Variants in SLC23A3 observed in about 807,000 individuals in gnomAD.
The protein encoded by SLC23A3 is E2-binding protein 3.
SLC23A3 carries 41 observed loss-of-function variants against 64.7 expected under a neutral mutation model. That is an observed-to-expected ratio of 0.63 (90% CI 0.49 to 0.82). The LOEUF (loss-of-function observed/expected upper bound fraction) is 0.82. Among genes scored for constraint, SLC23A3 ranks in the 40% least tolerant of loss-of-function variants. The pLI is 0.00. For missense variants in SLC23A3, 647 were observed against 733.4 expected, an observed-to-expected ratio of 0.88 and a Z score of 1.36; for synonymous variants, 281 against 306.8, an observed-to-expected ratio of 0.92 and a Z score of 0.88.
chr2:219,161,790 A>G lies in SLC23A3; in HGVS notation c.*119T>C. Reference sequence around the variant, plus strand: ...CTATTGGGAAATGGAACCTCTAGACAGTCCCATGTAATACACACACACATA... The same window carrying G: ...CTATTGGGAAATGGAACCTCTAGACGGTCCCATGTAATACACACACACATA... On this transcript the variant is annotated 3_prime_UTR_variant, in exon 12 of 12. Coordinates refer to ENST00000409878, the MANE Select transcript of SLC23A3 (RefSeq NM_001144889.2). The G allele has an allele frequency of 8.8e-7, 1 of 1,135,268 alleles. No individual in the cohort carries two copies. Among genetic ancestry groups the G allele is most frequent in the Non-Finnish European group, 1.2e-6 (1 of 803,878 alleles). The allele number at this position is 1,135,268 out of a possible 1,614,324, so 70.3% of individuals were successfully genotyped here.
Position 219,161,875 on chromosome 2 carries a change from G to T in SLC23A3, c.*34C>A. 6.6e-7 allele frequency: 1 copy of T among 1,518,372 alleles called. No individual in the cohort carries two copies. Among genetic ancestry groups the T allele is most frequent in the South Asian group, 1.3e-5 (1 of 75,094 alleles). 94.1% of individuals were successfully genotyped at this position (1,518,372 alleles called of 1,614,324 possible). On this transcript the variant is annotated 3_prime_UTR_variant, in exon 12 of 12. Coordinates refer to ENST00000409878, the MANE Select transcript of SLC23A3 (RefSeq NM_001144889.2). ...GACTCTCCAGCAGATGAGAGTTAGG[G>T]CTAAATTAACCAGGGCAGAAGTAGG...
chr2:219,167,916 A>G lies in SLC23A3; in HGVS notation c.913+14T>C. On this transcript the variant is annotated intron_variant, in intron 7 of 11. Transcript: ENST00000409878. ...TATTTGAACAAGAGAATGGAGGACTAGGAGAAAACCTACCTGGGTGAGGCA... is the reference window on the plus strand; with the variant it reads ...TATTTGAACAAGAGAATGGAGGACTGGGAGAAAACCTACCTGGGTGAGGCA... 1 of 1,559,094 alleles carries G rather than the reference A, an allele frequency of 6.4e-7. No homozygotes were observed.
chr2:219,169,150 G>A lies in SLC23A3; in HGVS notation c.419-48C>T. The A allele has an allele frequency of 6.3e-7, 1 of 1,599,822 alleles. No homozygotes were observed. The highest frequency in any genetic ancestry group is 8.6e-7 in the Non-Finnish European group (1 of 1,167,188). On this transcript the variant is annotated intron_variant, in intron 3 of 11. Transcript: ENST00000409878. The surrounding 1 kb of genome is among the most constrained non-coding windows in gnomAD (Gnocchi z 4.5). Reference sequence around the variant, plus strand: ...AGAAGAGAAGGGTGAATGGAATGGAGACCCATTGCTCTACAGTCCCACTCC... The same window carrying A: ...AGAAGAGAAGGGTGAATGGAATGGAAACCCATTGCTCTACAGTCCCACTCC...
chr2:219,164,219 A>G lies in SLC23A3; in HGVS notation c.1273+14T>C. The G allele has an allele frequency of 6.4e-7, 1 of 1,567,706 alleles. No individual in the cohort carries two copies. The highest frequency in any genetic ancestry group is 8.7e-7 in the Non-Finnish European group (1 of 1,144,076). ...TAGCAGTTCAATACCAGCCCTGTTGATACATCCACTCACCAACAACAGGCA... is the reference window on the plus strand; with the variant it reads ...TAGCAGTTCAATACCAGCCCTGTTGGTACATCCACTCACCAACAACAGGCA... On this transcript the variant is annotated intron_variant, in intron 9 of 11. Coordinates refer to ENST00000409878, the MANE Select transcript of SLC23A3 (RefSeq NM_001144889.2).
intron 4 of SLC23A3, 40 bp from the exon 5 acceptor site, chr2:219,168,873 CTCAA>C (rs779859018): frequency 3.2e-6 from 5 of 1,562,110 alleles, no homozygotes; most frequent in Middle Eastern, 1.7e-4. Flanking sequence ...AAACATTCTG[CTCAA>C]TCAAACTGGC....
At chr2:219,164,874 A>C (rs936585848) in intron 8 of SLC23A3, 7 of 430,612 alleles carry the variant, frequency 1.6e-5, no homozygotes, top group Non-Finnish European at 2.9e-5. Context: ...TTTTAAAAAG[A>C]TACTTTTTTC....
intron 9 of SLC23A3, 36 bp from the exon 10 acceptor site, chr2:219,163,591 G>T: frequency 1.2e-6 from 2 of 1,605,178 alleles, no homozygotes; most frequent in Non-Finnish European, 1.7e-6. Context: ...GGGTCAGGAG[G>T]AGTCAAGGGG....
chr2:219,165,026 A>G (rs1252777351), intron 8 of SLC23A3, 143 bp downstream of exon 8: 3 of 1,142,588 alleles, frequency 2.6e-6, no homozygotes, highest in East Asian at 5.3e-5. Flanking sequence ...CTCTTAGCCC[A>G]AAGTCTAATC....
At chr2:219,168,084 C>A (rs1418431144) in intron 6 of SLC23A3, 40 bp from the exon 7 acceptor site, 8 of 1,565,170 alleles carry the variant, frequency 5.1e-6, no homozygotes, top group South Asian at 1.2e-5. Flanking sequence ...TCCCCCAGAA[C>A]CTTCTGAGCC....
chr2:219,162,471 T>C (rs1469656571), intron 10 of SLC23A3, 77 bp from the exon 11 acceptor site: 2 of 1,027,964 alleles, frequency 1.9e-6, no homozygotes, highest in African/African-American at 1.6e-5. Flanking sequence ...CTCCCAGACC[T>C]AAACCTAAGC....
At chr2:219,165,921 G>A (rs1950001240) in intron 7 of SLC23A3, among the ~76,000 whole-genome samples, 1 of 152,160 alleles carries the variant, frequency 6.6e-6, no homozygotes, top group Non-Finnish European at 1.5e-5. Context: ...CTCACCTGAG[G>A]TCAGGAGTTT....
intron 7 of SLC23A3, among the ~76,000 whole-genome samples, chr2:219,165,743 C>T (rs1949999728): frequency 6.6e-6 from 1 of 152,254 alleles, no homozygotes; most frequent in South Asian, 2.1e-4. Flanking sequence ...TTTGCATATG[C>T]AGTTTCCTGC....
rs561194119 is a variant in SLC23A3, at chr2:219,162,486, G to A, written c.1442-92C>T. On this transcript the variant is annotated intron_variant, in intron 10 of 11. Coordinates refer to ENST00000409878, the MANE Select transcript of SLC23A3 (RefSeq NM_001144889.2). ...CTCCCAGACCTAAACCTAAGCCTTG[G>A]ACTAAGGACAGATCTTTCTGAATTG... The A allele has an allele frequency of 5.8e-6, 5 of 856,238 alleles. No homozygotes were observed. In the African/African-American group the frequency reaches 8.4e-5, roughly 14 times the overall value. The allele number at this position is 856,238 out of a possible 1,614,324, so 53.0% of individuals were successfully genotyped here.
Position 219,168,062 on chromosome 2 carries a change from G to C in SLC23A3, c.799-18C>G. 6.4e-7 allele frequency: 1 copy of C among 1,567,768 alleles called. No homozygotes were observed. The highest frequency in any genetic ancestry group is 8.6e-7 in the Non-Finnish European group (1 of 1,160,672). On this transcript the variant is annotated intron_variant, in intron 6 of 11. Transcript: ENST00000409878. ...ATCAGCACCTGAGGGGCGAGACTGAGAAAAGAACTCCTCCCCCAGAACCTT... is the reference window on the plus strand; with the variant it reads ...ATCAGCACCTGAGGGGCGAGACTGACAAAAGAACTCCTCCCCCAGAACCTT...
intron 7 of SLC23A3, among the ~76,000 whole-genome samples, chr2:219,166,866 C>G (rs1411924504): frequency 6.6e-6 from 1 of 152,142 alleles, no homozygotes; most frequent in Non-Finnish European, 1.5e-5. Context: ...CAATGTATCT[C>G]CCTTTGGTTA....
chr2:219,161,633 T>G lies in SLC23A3; in HGVS notation c.*276A>C. On this transcript the variant is annotated 3_prime_UTR_variant, in exon 12 of 12. Transcript: ENST00000409878. ...GCACATGGGAGATGCTCAGTAAGTA[T>G]TAAAGTGAATGCTGGGGTTCAAGTG... 1 of 325,194 alleles carries G rather than the reference T, an allele frequency of 3.1e-6. No individual in the cohort carries two copies. The highest frequency in any genetic ancestry group is 5.6e-6 in the Non-Finnish European group (1 of 177,556). The allele number at this position is 325,194 out of a possible 1,614,324, so 20.1% of individuals were successfully genotyped here. A position where few individuals can be genotyped will look rare whatever the true frequency, so the allele number is the denominator to read the frequency against.
At position 219,168,694 on chromosome 2, in the gene SLC23A3, T is replaced by C; in HGVS notation, c.632A>G (p.Glu211Gly). Residue 211 changes from glutamate (E) to glycine (G), a missense_variant, in exon 5 of 12, where the codon GAG becomes GGG. Coordinates refer to ENST00000409878, the MANE Select transcript of SLC23A3 (RefSeq NM_001144889.2). Reference sequence around the variant, plus strand: ...GTGTGTGAAGCAGAACTGGGCTACCTCCCTGTGGGCAGAGAGCCCTGCCAC... The same window carrying C: ...GTGTGTGAAGCAGAACTGGGCTACCCCCCTGTGGGCAGAGAGCCCTGCCAC... ...LVVAGLSAHR[E>G]VAQFCFTHWG... The C allele has an allele frequency of 6.2e-7, 1 of 1,613,490 alleles. No homozygotes were observed. Among genetic ancestry groups the C allele is most frequent in the Non-Finnish European group, 8.5e-7 (1 of 1,179,842 alleles).
At chr2:219,163,992 A>G (rs1949977236) in intron 9 of SLC23A3, among the ~76,000 whole-genome samples, 1 of 152,158 alleles carries the variant, frequency 6.6e-6, no homozygotes, top group Non-Finnish European at 1.5e-5. Flanking sequence ...GTGGGCCACC[A>G]CGCCCAGCCT....
Position 219,169,742 on chromosome 2 carries a change from A to G in SLC23A3, c.163-64T>C. ...GTGGAAATACCTACAATACTTCCAGAGGCTTTCACATGCCACATCTACACC... is the reference window on the plus strand; with the variant it reads ...GTGGAAATACCTACAATACTTCCAGGGGCTTTCACATGCCACATCTACACC... On this transcript the variant is annotated intron_variant, in intron 1 of 11. Transcript: ENST00000409878. The surrounding 1 kb of genome is among the most constrained non-coding windows in gnomAD (Gnocchi z 4.5). 2 of 1,611,840 alleles carry G rather than the reference A, an allele frequency of 1.2e-6. No individual in the cohort carries two copies. The highest frequency in any genetic ancestry group is 1.7e-5 in the Admixed American group (1 of 59,578).
Sources: allele counts gnomAD v4.1 joint callset (sites outside exome capture counted in the v4.1 genomes callset), GRCh38; gene constraint gnomAD v4.1.1; non-coding constraint Gnocchi (gnomAD v3.1); transcripts MANE v1.5; gene names NCBI Gene and HGNC (gene_info 2026-07-23, HGNC 2026-07-21).